The following FNBP1 variants were observed in gnomAD, a reference collection of about 807,000 sequenced individuals.
FNBP1 encodes formin-binding protein 1.
In FNBP1, 26 loss-of-function variants were observed where a neutral mutation model predicts 90.6. That is an observed-to-expected ratio of 0.29 (90% CI 0.21 to 0.40). The LOEUF is 0.40. Among genes scored for constraint, FNBP1 ranks in the 10% least tolerant of loss-of-function variants. FNBP1 has a pLI of 1.00. For missense variants in FNBP1, 635 were observed against 768.0 expected (o/e 0.83, Z 2.05); for synonymous variants, 260 against 265.2 (o/e 0.98, Z 0.19).
upstream of FNBP1, among the ~76,000 whole-genome samples, chr9:130,044,420 T>C (rs1053311935): frequency 2.6e-5 from 4 of 151,414 alleles, no homozygotes; most frequent in African/African-American, 9.7e-5. Flanking sequence ...GGCCAGGAAT[T>C]TGAGACCAGC....
chr9:129,929,607 T>C lies in FNBP1; in HGVS notation c.602A>G (p.Gln201Arg). 1.2e-6 allele frequency: 2 copies of C among 1,613,710 alleles called. No homozygotes were observed. The highest frequency in any genetic ancestry group is 1.7e-6 in the Non-Finnish European group (2 of 1,179,594). Reference sequence around the variant, plus strand: ...GATGTGAGTATGGTAATATTCATGCTGCTCATGGTTGAATTTCTGGAGAAT... The same window carrying C: ...GATGTGAGTATGGTAATATTCATGCCGCTCATGGTTGAATTTCTGGAGAAT... ...SSILQKFNHE[Q>R]HEYYHTHIPN... is the part of the protein sequence containing the mutation. Residue 201 changes from glutamine to arginine, a missense_variant, in exon 7 of 17, where the codon CAG becomes CGG. Coordinates refer to ENST00000446176, the MANE Select transcript of FNBP1 (RefSeq NM_015033.3).
chr9:129,992,656 C>T (rs961531459), intron 2 of FNBP1, among the ~76,000 whole-genome samples: 8 of 143,262 alleles, frequency 5.6e-5, no homozygotes, highest in Non-Finnish European at 9.0e-5. Flanking sequence ...TGGGCTCAAG[C>T]GATTCTCCTG....
At chr9:129,899,768 A>AGGGAAGGG (rs2036520826) in intron 15 of FNBP1, among the ~76,000 whole-genome samples, 197 bp downstream of exon 15, 2 of 133,622 alleles carry the variant, frequency 1.5e-5, no homozygotes, top group Admixed American at 7.6e-5. Flanking sequence ...GAAGGGAAGG[A>AGGGAAGGG]AGGGAAGGGA....
intron 1 of FNBP1, among the ~76,000 whole-genome samples, chr9:129,998,817 C>T (rs2054401320): frequency 6.6e-6 from 1 of 152,194 alleles, no homozygotes. Context: ...CTCAATCCAA[C>T]AATATGTTTT....
At chr9:130,014,216 G>C (rs895138677) in intron 1 of FNBP1, among the ~76,000 whole-genome samples, 1 of 151,482 alleles carries the variant, frequency 6.6e-6, no homozygotes, top group Non-Finnish European at 1.5e-5. Context: ...GGAGATTCTG[G>C]AATAATGTTC....
At chr9:129,949,088 T>A (rs995596372) in intron 6 of FNBP1, among the ~76,000 whole-genome samples, 1 of 152,114 alleles carries the variant, frequency 6.6e-6, no homozygotes, top group Non-Finnish European at 1.5e-5. Flanking sequence ...CTGTTTCACC[T>A]TCAGCTGAAA....
chr9:130,001,844 T>C (rs1819199256), intron 1 of FNBP1, among the ~76,000 whole-genome samples: 1 of 151,458 alleles, frequency 6.6e-6, no homozygotes, highest in African/African-American at 2.4e-5. Context: ...GCCAACATGG[T>C]GAAACCCCAT....
intron 4 of FNBP1, among the ~76,000 whole-genome samples, chr9:129,974,268 AC>A (rs2049964843): frequency 1.3e-5 from 2 of 151,600 alleles, no homozygotes; most frequent in Non-Finnish European, 2.9e-5. Flanking sequence ...CAGCCTGGGG[AC>A]CCCCCAGCTC....
intron 6 of FNBP1, among the ~76,000 whole-genome samples, chr9:129,947,586 A>T (rs1045665456): frequency 2.0e-5 from 3 of 152,038 alleles, no homozygotes; most frequent in African/African-American, 7.2e-5. Context: ...GAATGGATAC[A>T]TGTGAATACT....
intron 6 of FNBP1, among the ~76,000 whole-genome samples, chr9:129,942,231 GA>G (rs1564390363): frequency 6.6e-6 from 1 of 152,082 alleles, no homozygotes; most frequent in South Asian, 2.1e-4. Flanking sequence ...AACTCTCATG[GA>G]AAAAAATTAA....
In FNBP1 at chr9:130,042,969, A is replaced by T; in HGVS notation, c.7T>A (p.Trp3Arg). Residue 3 changes from tryptophan (W) to arginine (R), a missense_variant, in exon 1 of 17, where the codon TGG becomes AGG. Transcript: ENST00000446176. The surrounding 1 kb of genome is among the most constrained non-coding windows in gnomAD (Gnocchi z 5.5). MS[W>R]GTELWDQFDN... ...TCACTCACCCAGAGCTCGGTGCCCC[A>T]GCTCATGGTGCAGGGGACGCGAAGG... 8.2e-7 allele frequency: 1 copy of T among 1,226,330 alleles called. No homozygotes were observed. The highest frequency in any genetic ancestry group is 1.0e-6 in the Non-Finnish European group (1 of 984,204). The allele number at this position is 1,226,330 out of a possible 1,614,324, so 76.0% of individuals were successfully genotyped here.
At chr9:129,932,142 C>T (rs1331849766) in intron 6 of FNBP1, among the ~76,000 whole-genome samples, 2 of 150,204 alleles carry the variant, frequency 1.3e-5, no homozygotes, top group African/African-American at 4.9e-5. Flanking sequence ...ACCCAGGAGC[C>T]GGAGGTTGCA....
intron 1 of FNBP1, among the ~76,000 whole-genome samples, chr9:130,000,658 C>A (rs1201864925): frequency 6.6e-6 from 1 of 152,054 alleles, no homozygotes; most frequent in African/African-American, 2.4e-5. Context: ...TATTTGGAAG[C>A]TGTCAAACTC....
At chr9:129,950,153 A>C (rs1051559094) in intron 6 of FNBP1, among the ~76,000 whole-genome samples, 1 of 152,242 alleles carries the variant, frequency 6.6e-6, no homozygotes, top group African/African-American at 2.4e-5. Context: ...CGCTGACATA[A>C]GCCTTCACAG....
intron 6 of FNBP1, among the ~76,000 whole-genome samples, chr9:129,936,144 T>C (rs988555512): frequency 6.6e-6 from 1 of 152,264 alleles, no homozygotes; most frequent in East Asian, 1.9e-4. Context: ...CACCAAAAGT[T>C]TGGGGAAAGC....
At chr9:129,936,820 G>T (rs1356163487) in intron 6 of FNBP1, among the ~76,000 whole-genome samples, 1 of 152,150 alleles carries the variant, frequency 6.6e-6, no homozygotes, top group Non-Finnish European at 1.5e-5. Flanking sequence ...ATAGCAACCT[G>T]TTGGAAATCC....
chr9:129,908,464 C>CA (rs1305572395), intron 12 of FNBP1, among the ~76,000 whole-genome samples: 2 of 151,450 alleles, frequency 1.3e-5, no homozygotes, highest in Non-Finnish European at 2.9e-5. Context: ...CTCAGCCTCC[C>CA]AAAGTGCTGG....
chr9:129,964,375 C>T (rs1424750915), intron 4 of FNBP1, among the ~76,000 whole-genome samples: 1 of 152,144 alleles, frequency 6.6e-6, no homozygotes, highest in African/African-American at 2.4e-5. Context: ...CAGAGAAATG[C>T]TTCTTACTTT....
At position 129,900,297 on chromosome 9, in the gene FNBP1, A is replaced by C. The variant is rs1021944982; in HGVS notation, c.1550+129T>G. The C allele has an allele frequency of 8.7e-7, 1 of 1,148,194 alleles. No homozygotes were observed. The highest frequency in any genetic ancestry group is 1.2e-6 in the Non-Finnish European group (1 of 842,596). The allele number at this position is 1,148,194 out of a possible 1,614,324, so 71.1% of individuals were successfully genotyped here. On this transcript the variant is annotated intron_variant, in intron 14 of 16. Coordinates refer to ENST00000446176, the MANE Select transcript of FNBP1 (RefSeq NM_015033.3). This position sits in a 1 kb window ranked among gnomAD's most constrained non-coding sequence, Gnocchi z 4.1. ...AAATCTGCATCATGGAAAAAGTGAC[A>C]GGTCAATCGCAACAGACATTTTGGC... is the stretch of plus-strand genomic sequence containing the variant.
Sources: allele counts gnomAD v4.1 joint callset (sites outside exome capture counted in the v4.1 genomes callset), GRCh38; gene constraint gnomAD v4.1.1; non-coding constraint Gnocchi (gnomAD v3.1); transcripts MANE v1.5; gene names NCBI Gene and HGNC (gene_info 2026-07-23, HGNC 2026-07-21).